Variants in COL21A1 observed in about 807,000 individuals in gnomAD.
The protein encoded by COL21A1 is collagen type XXI alpha 1 chain, also known as collagen alpha-1(XXI) chain.
A neutral mutation model predicts 137.9 loss-of-function variants in COL21A1; 149 were observed. The observed-to-expected ratio is 1.08, with a 90% CI of 0.95 to 1.24. The LOEUF is 1.24. Ranked by LOEUF, COL21A1 falls within the 50% of genes most tolerant of loss-of-function variation. The probability of loss-of-function intolerance (pLI) is 0.00; values close to 1 mark genes in which losing one functional copy is unlikely to be tolerated. For missense variants in COL21A1, 1,167 were observed against 1,158.4 expected (o/e 1.01, Z -0.11); for synonymous variants, 456 against 391.5 (o/e 1.16, Z -1.95).
At chr6:56,268,059 C>A (rs9382599) in intron 1 of COL21A1, among the ~76,000 whole-genome samples, 1 of 151,998 alleles carries the variant, frequency 6.6e-6, no homozygotes, top group African/African-American at 2.4e-5. Context: ...AACCAGAGGC[C>A]GTTCCCAGTA....
intron 3 of COL21A1, 45 bp downstream of exon 3, chr6:56,179,533 A>G (rs1220163003): frequency 7.0e-7 from 1 of 1,429,432 alleles, no homozygotes; most frequent in Non-Finnish European, 9.5e-7. Context: ...AAAAAGCACA[A>G]TTATTAATTG....
At chr6:56,104,511 T>C (rs766724064) in intron 16 of COL21A1, among the ~76,000 whole-genome samples, 1 of 152,154 alleles carries the variant, frequency 6.6e-6, no homozygotes. Context: ...GCCTGTGAAA[T>C]TTAATATTGT....
At chr6:56,205,069 C>G (rs189467279) in intron 1 of COL21A1, among the ~76,000 whole-genome samples, 1 of 152,104 alleles carries the variant, frequency 6.6e-6, no homozygotes, top group African/African-American at 2.4e-5. Context: ...AAAACCAGAA[C>G]ACCTCTTCTC....
chr6:56,137,706 GTT>G (rs1774102969), intron 12 of COL21A1, among the ~76,000 whole-genome samples: 1 of 152,064 alleles, frequency 6.6e-6, no homozygotes, highest in African/African-American at 2.4e-5. Flanking sequence ...TTCAATAAAA[GTT>G]TTAAGTTTCC....
chr6:56,351,034 A>C (rs956886211), intron 1 of COL21A1, among the ~76,000 whole-genome samples: 9 of 152,256 alleles, frequency 5.9e-5, no homozygotes, highest in African/African-American at 2.2e-4. Flanking sequence ...TATTTGCTTC[A>C]TGCCTACTCT....
chr6:56,137,617 C>T (rs549200678), intron 12 of COL21A1, among the ~76,000 whole-genome samples: 29 of 152,140 alleles, frequency 1.9e-4, no homozygotes, highest in African/African-American at 5.1e-4. Flanking sequence ...AGCTTCTCAA[C>T]GACCATACAA....
intron 12 of COL21A1, among the ~76,000 whole-genome samples, chr6:56,139,381 T>G (rs1172951935): frequency 1.3e-5 from 2 of 152,138 alleles, no homozygotes; most frequent in Admixed American, 6.6e-5. Context: ...GATTAACAAG[T>G]GTGATTTGGG....
At chr6:56,376,836 A>ACC (rs144688498) in intron 1 of COL21A1, among the ~76,000 whole-genome samples, 81 of 98,990 alleles carry the variant, frequency 8.2e-4, no homozygotes, top group Admixed American at 1.7e-3. Flanking sequence ...CCCACCCCCC[A>ACC]CCCCCCCCAA....
chr6:56,376,980 C>CT (rs11396420), intron 1 of COL21A1, among the ~76,000 whole-genome samples: 82,057 of 137,600 alleles, frequency 0.6, 24,546 homozygotes, highest in East Asian at 0.73. Context: ...AGAAAAAAGT[C>CT]TTTTTTTTTT....
chr6:56,256,147 A>G (rs115557455), intron 1 of COL21A1, among the ~76,000 whole-genome samples: 1 of 152,340 alleles, frequency 6.6e-6, no homozygotes, highest in African/African-American at 2.4e-5. Context: ...TCTCTAGATG[A>G]CACCGAGGTT....
intron 1 of COL21A1, among the ~76,000 whole-genome samples, chr6:56,223,804 G>C (rs1224659708): frequency 6.6e-6 from 1 of 151,982 alleles, no homozygotes; most frequent in African/African-American, 2.4e-5. Flanking sequence ...TCACCAAAAG[G>C]CTTTCACCTT....
intron 1 of COL21A1, among the ~76,000 whole-genome samples, chr6:56,230,490 T>A (rs192152318): frequency 2.0e-5 from 3 of 151,928 alleles, no homozygotes; most frequent in African/African-American, 7.2e-5. Context: ...GGAAAAGATA[T>A]ACTTCTTATA....
In COL21A1 at chr6:56,084,702, G is replaced by A. The variant is rs1768078729; in HGVS notation, c.1813-7129C>T. 2.0e-5 allele frequency among the ~76,000 whole-genome samples: 3 copies of A among 152,032 alleles called. No individual in the cohort carries two copies. In the South Asian group the frequency reaches 6.2e-4, roughly 31 times the overall value. ...TAAAAAGTTCTCAAAAAATGTCTAA[G>A]AGTTATTTTCCTCACATTTAAATCA... On this transcript the variant is annotated intron_variant, in intron 17 of 29. Coordinates refer to ENST00000244728, the MANE Select transcript of COL21A1 (RefSeq NM_030820.4).
At position 56,059,145 on chromosome 6, in the gene COL21A1, G is replaced by C; in HGVS notation, c.2686+20C>G. On this transcript the variant is annotated intron_variant, in intron 29 of 29. Coordinates refer to ENST00000244728, the MANE Select transcript of COL21A1 (RefSeq NM_030820.4). Reference sequence around the variant, plus strand: ...AAGCAAAATGAGCAGTAACACTTATGAGCAGGTAGCAATTCTCACCTGGGG... The same window carrying C: ...AAGCAAAATGAGCAGTAACACTTATCAGCAGGTAGCAATTCTCACCTGGGG... The C allele has an allele frequency of 6.3e-7, 1 of 1,589,674 alleles. No homozygotes were observed. Among genetic ancestry groups the C allele is most frequent in the Non-Finnish European group, 8.6e-7 (1 of 1,159,076 alleles).
rs1289815696 is a variant in COL21A1 at position 56,325,522 on chromosome 6, TATA to T, written c.-39+68446_-39+68448del. 4.0e-3 allele frequency among the ~76,000 whole-genome samples: 2 copies of T among 496 alleles called. 1 individual carries two copies. The highest frequency in any genetic ancestry group is 4.7e-3 in the African/African-American group (2 of 424). The allele number at this position is 496 out of a possible 152,430, so 0.3% of individuals were successfully genotyped here. A position where few individuals can be genotyped will look rare whatever the true frequency, so the allele number is the denominator to read the frequency against. On this transcript the variant is annotated intron_variant, in intron 1 of 28. Coordinates refer to the COL21A1 transcript ENST00000370819. ...ATTATATCTGTAATATATTATATAT[TATA>T]TATTATATATAAATATATAATACAT...
intron 10 of COL21A1, among the ~76,000 whole-genome samples, chr6:56,145,281 T>G (rs369465334): frequency 1.3e-5 from 2 of 152,202 alleles, no homozygotes; most frequent in East Asian, 3.8e-4. Flanking sequence ...AATTTGAGAA[T>G]GTTGTGATAT....
chr6:56,156,899 T>C lies in COL21A1; in HGVS notation c.1422A>G (p.Gln474=). ...GNPGYPGQPG[Q]DGKPGYQGIA... The stretch of plus-strand genomic sequence containing the variant: ...TTTCAGTACTCACAGGCTTACCATC[T>C]TGACCAGGTTGTCCAGGGTAGCCAG... The change falls in exon 10 of 30, where the codon CAA becomes CAG. Residue 474 remains glutamine, a synonymous_variant. Transcript: ENST00000244728. 6.2e-7 allele frequency: 1 copy of C among 1,612,104 alleles called. No homozygotes were observed. The highest frequency in any genetic ancestry group is 8.5e-7 in the Non-Finnish European group (1 of 1,179,108).
At chr6:56,305,058 A>C (rs1369896848) in intron 1 of COL21A1, among the ~76,000 whole-genome samples, 1 of 152,186 alleles carries the variant, frequency 6.6e-6, no homozygotes, top group Non-Finnish European at 1.5e-5. Flanking sequence ...TGAGTTTCTT[A>C]ATCCTGAGTT....
chr6:56,305,539 G>T (rs1387392347), intron 1 of COL21A1, among the ~76,000 whole-genome samples: 1 of 152,052 alleles, frequency 6.6e-6, no homozygotes, highest in African/African-American at 2.4e-5. Flanking sequence ...TGTTTTATCA[G>T]AGACTAGGAT....
Sources: gnomAD v4.1 joint callset for allele counts (sites outside exome capture counted in the v4.1 genomes callset) on GRCh38, gnomAD v4.1.1 for gene constraint, MANE v1.5 for transcripts, NCBI Gene and HGNC (gene_info 2026-07-23, HGNC 2026-07-21) for gene names.